Variants in ERCC4 observed in about 807,000 individuals in gnomAD.
ERCC4 encodes DNA repair endonuclease XPF.
ERCC4 carries 65 observed loss-of-function variants against 76.9 expected under a neutral mutation model. The observed-to-expected ratio is 0.84, with a 90% CI of 0.69 to 1.04. The LOEUF is 1.04. Ranked by LOEUF, ERCC4 falls within the 50% of genes least tolerant of loss-of-function variation. The pLI is 0.00. For missense variants in ERCC4, 1,214 were observed against 1,128.2 expected (o/e 1.08, Z -1.09); for synonymous variants, 463 against 410.1 (o/e 1.13, Z -1.56).
In ERCC4 at chr16:13,934,282, GTGAAGCTCT is replaced by G; in HGVS notation, c.1196_1204del (p.Glu399_Leu401del). 1 of 1,612,042 alleles carries G rather than the reference GTGAAGCTCT, an allele frequency of 6.2e-7. No homozygotes were observed. Among genetic ancestry groups the G allele is most frequent in the Non-Finnish European group, 8.5e-7 (1 of 1,178,264 alleles). ...GAAATTGAGGCAGAAAATAAGGAGA[GTGAAGCTCT>G]TGGTGGTCCAGGTAGGAAAAAAGGA... is the stretch of plus-strand genomic sequence containing the variant. On this transcript the variant is annotated inframe_deletion, in exon 7 of 11. Coordinates refer to ENST00000311895, the MANE Select transcript of ERCC4 (RefSeq NM_005236.3).
rs1213679985 is a variant in ERCC4 at position 13,947,695 on chromosome 16, A to G, written c.2099A>G (p.His700Arg). The G allele has an allele frequency of 1.2e-6, 2 of 1,614,148 alleles. No individual in the cohort carries two copies. The highest frequency in any genetic ancestry group is 1.3e-5 in the African/African-American group (1 of 74,948). The change falls in exon 11 of 11, where the codon CAT (histidine) becomes CGT (arginine). Residue 700 changes from histidine to arginine, a missense_variant. Coordinates refer to ENST00000311895, the MANE Select transcript of ERCC4 (RefSeq NM_005236.3). ...EFRSELPSLI[H>R]RRGIDIEPVT... ...CGAAGTGAGCTTCCATCTCTGATCC[A>G]TCGTCGGGGCATTGACATTGAACCC...
intron 6 of ERCC4, 120 bp downstream of exon 6, chr16:13,932,405 G>A: frequency 1.1e-6 from 1 of 872,770 alleles, no homozygotes; most frequent in Non-Finnish European, 1.8e-6. Flanking sequence ...GAAGATAAAT[G>A]TATGTATGTT....
intron 3 of ERCC4, among the ~76,000 whole-genome samples, chr16:13,927,007 A>G (rs879880504): frequency 2.0e-5 from 3 of 152,226 alleles, no homozygotes; most frequent in Non-Finnish European, 2.9e-5. Flanking sequence ...CATCCAAGAC[A>G]GCCACTTTAT....
In ERCC4 at chr16:13,949,907, A is replaced by G. The variant is rs1408539363; in HGVS notation, c.*1560A>G. The stretch of plus-strand genomic sequence containing the variant: ...TTTTTTTGTTTGCTACACTATTTGA[A>G]CTAATAGACAGTGGATCATGTAACA... On this transcript the variant is annotated 3_prime_UTR_variant, in exon 11 of 11. Transcript: ENST00000311895. 2 of 231,488 alleles carry G rather than the reference A, an allele frequency of 8.6e-6. No homozygotes were observed. Among genetic ancestry groups the G allele is most frequent in the East Asian group, 1.2e-4 (2 of 16,380 alleles). 14.3% of individuals were successfully genotyped at this position (231,488 alleles called of 1,614,324 possible).
chr16:13,929,730 C>T (rs968656049), intron 4 of ERCC4, among the ~76,000 whole-genome samples: 3 of 152,144 alleles, frequency 2.0e-5, no homozygotes, highest in Admixed American at 6.6e-5. Context: ...CTTTGGGAGG[C>T]CGAGGCGGGC....
chr16:13,948,503 C>A lies in ERCC4; in HGVS notation c.*156C>A. ...CCAGAAGCCAGGATTCCTCTCTGAACTCTGCAGTTAGGCATCACTTGAACT... is the reference window on the plus strand; with the variant it reads ...CCAGAAGCCAGGATTCCTCTCTGAAATCTGCAGTTAGGCATCACTTGAACT... On this transcript the variant is annotated 3_prime_UTR_variant, in exon 11 of 11. Transcript: ENST00000311895. 2.3e-6 allele frequency: 2 copies of A among 881,906 alleles called. No homozygotes were observed. The highest frequency in any genetic ancestry group is 2.5e-5 in the East Asian group (1 of 39,612). The allele number at this position is 881,906 out of a possible 1,614,324, so 54.6% of individuals were successfully genotyped here. A position where few individuals can be genotyped will look rare whatever the true frequency, so the allele number is the denominator to read the frequency against.
At chr16:13,942,706 C>T (rs2141615156) in intron 9 of ERCC4, among the ~76,000 whole-genome samples, 1 of 152,316 alleles carries the variant, frequency 6.6e-6, no homozygotes, top group East Asian at 1.9e-4. Context: ...GATCCACACA[C>T]TTTGGAACCG....
At chr16:13,931,736 A>G (rs1036979094) in intron 5 of ERCC4, 31 of 175,108 alleles carry the variant, frequency 1.8e-4, no homozygotes, top group African/African-American at 6.0e-4. Flanking sequence ...ATATTTTCCT[A>G]TAAATTATTA....
intron 4 of ERCC4, among the ~76,000 whole-genome samples, chr16:13,928,901 C>T (rs1327233312): frequency 6.6e-6 from 1 of 152,094 alleles, no homozygotes; most frequent in Non-Finnish European, 1.5e-5. Context: ...AAGTTTCTGT[C>T]TTTTAAACTC....
chr16:13,948,021 A>G lies in ERCC4; in HGVS notation c.2425A>G (p.Thr809Ala), dbSNP rs1417008993. Residue 809 changes from threonine to alanine, a missense_variant, in exon 11 of 11, where the codon ACG becomes GCG. Physicochemically the swap from Thr to Ala is moderately conservative, Grantham distance 58. Coordinates refer to ENST00000311895, the MANE Select transcript of ERCC4 (RefSeq NM_005236.3). ...RILWCPSPHA[T>A]AELFEELKQS... is the part of the protein sequence containing the mutation. ...TCTCTGGTGCCCCTCTCCTCATGCA[A>G]CGGCGGAGTTGTTTGAGGAGCTGAA... is the stretch of plus-strand genomic sequence containing the variant. 6.2e-7 allele frequency: 1 copy of G among 1,614,080 alleles called. No homozygotes were observed.
At position 13,949,525 on chromosome 16, in the gene ERCC4, T is replaced by TTAAA; in HGVS notation, c.*1178_*1179insTAAA. 4.3e-6 allele frequency: 1 copy of TTAAA among 233,074 alleles called. No homozygotes were observed. The highest frequency in any genetic ancestry group is 6.0e-5 in the East Asian group (1 of 16,544). The allele number at this position is 233,074 out of a possible 1,614,324, so 14.4% of individuals were successfully genotyped here. Reference sequence around the variant, plus strand: ...GAGGACTCAAATACAAGCCAATGAGTGGCCCACTAAGCTTTTAAGATTTGA... The same window carrying TTAAA: ...GAGGACTCAAATACAAGCCAATGAGTTAAAGGCCCACTAAGCTTTTAAGATTTGA... On this transcript the variant is annotated 3_prime_UTR_variant, in exon 11 of 11. Coordinates refer to ENST00000311895, the MANE Select transcript of ERCC4 (RefSeq NM_005236.3).
chr16:13,935,079 AG>A (rs2032255653), intron 7 of ERCC4, 66 bp from the exon 8 acceptor site: 1 of 1,187,716 alleles, frequency 8.4e-7, no homozygotes. Context: ...TGAAGGAATA[AG>A]GGGGCACAGG....
intron 9 of ERCC4, among the ~76,000 whole-genome samples, chr16:13,938,938 G>A (rs892591063): frequency 3.3e-5 from 5 of 152,162 alleles, no homozygotes; most frequent in African/African-American, 9.7e-5. Flanking sequence ...GTGCATGGGC[G>A]GTCCCCTCTT....
In ERCC4 at chr16:13,926,704, G is replaced by A. The variant is rs149927607; in HGVS notation, c.532G>A (p.Val178Met). The A allele has an allele frequency of 6.8e-6, 11 of 1,614,144 alleles. No homozygotes were observed. The highest frequency in any genetic ancestry group is 1.7e-5 in the Admixed American group (1 of 60,020). ...TGCCTTTGATACTGGTTTTTGTCAT[G>A]TGGAAAGAGTGATGAGAAATCTTTT... ...AVAFDTGFCH[V>M]ERVMRNLFVR... The change falls in exon 3 of 11, where the codon GTG (valine) becomes ATG (methionine). Residue 178 changes from valine to methionine, a missense_variant. Val to Met is a conservative substitution (Grantham distance 21). Transcript: ENST00000311895.
rs746499083 is a variant in ERCC4 at position 13,948,866 on chromosome 16, A to G, written c.*519A>G. On this transcript the variant is annotated 3_prime_UTR_variant, in exon 11 of 11. Coordinates refer to ENST00000311895, the MANE Select transcript of ERCC4 (RefSeq NM_005236.3). ...TTGTGTCTGCTGGACGCTTGAACTG[A>G]TGTTTGTGTAGGAAATCATGTTCTG... 4.3e-6 allele frequency: 1 copy of G among 232,424 alleles called. No individual in the cohort carries two copies. The highest frequency in any genetic ancestry group is 8.5e-6 in the Non-Finnish European group (1 of 117,708). The allele number at this position is 232,424 out of a possible 1,614,324, so 14.4% of individuals were successfully genotyped here.
chr16:13,946,001 A>T (rs959396713), intron 10 of ERCC4, among the ~76,000 whole-genome samples: 1 of 152,190 alleles, frequency 6.6e-6, no homozygotes, highest in Non-Finnish European at 1.5e-5. Flanking sequence ...TAAAATCAAG[A>T]TATCGGCATG....
At position 13,936,897 on chromosome 16, in the gene ERCC4, C is replaced by G. The variant is rs189086279; in HGVS notation, c.1812-869C>G. On this transcript the variant is annotated intron_variant, in intron 8 of 10. Coordinates refer to ENST00000311895, the MANE Select transcript of ERCC4 (RefSeq NM_005236.3). ...GCAACAAACAAGATGGAAAAGCAGG[C>G]CTTTTTTTTTTTTCCTTTTTTTTTT... Among the ~76,000 whole-genome samples the G allele has an allele frequency of 2.9e-5, 4 of 137,334 alleles. No individual in the cohort carries two copies. In the East Asian group the frequency reaches 8.4e-4, roughly 29 times the overall value. 90.1% of individuals were successfully genotyped at this position (137,334 alleles called of 152,430 possible). A position where few individuals can be genotyped will look rare whatever the true frequency, so the allele number is the denominator to read the frequency against.
At chr16:13,943,082 A>G (rs932692082) in intron 9 of ERCC4, among the ~76,000 whole-genome samples, 3 of 152,204 alleles carry the variant, frequency 2.0e-5, no homozygotes, top group Non-Finnish European at 2.9e-5. Context: ...TAAAATTTGT[A>G]CTAATAATAT....
At position 13,948,328 on chromosome 16, in the gene ERCC4, A is replaced by G. The variant is rs753734253; in HGVS notation, c.2732A>G (p.Lys911Arg). 2 of 1,612,234 alleles carry G rather than the reference A, an allele frequency of 1.2e-6. No homozygotes were observed. Among genetic ancestry groups the G allele is most frequent in the Non-Finnish European group, 1.7e-6 (2 of 1,180,006 alleles). ...IHTSFAEVVSKGKGKK is the reference protein window; with the variant it reads ...IHTSFAEVVSRGKGKK ...ACCTCTTTTGCAGAAGTCGTATCAA[A>G]AGGAAAAGGGAAAAAGTGAACAGTG... The change falls in exon 11 of 11, where the codon AAA becomes AGA. Residue 911 changes from lysine to arginine, a missense_variant. By Grantham distance (26) the Lys-to-Arg change is conservative (BLOSUM62 2). Coordinates refer to ENST00000311895, the MANE Select transcript of ERCC4 (RefSeq NM_005236.3).
Sources: gnomAD v4.1 joint callset for allele counts (sites outside exome capture counted in the v4.1 genomes callset) on GRCh38, gnomAD v4.1.1 for gene constraint, MANE v1.5 for transcripts, NCBI Gene and HGNC (gene_info 2026-07-23, HGNC 2026-07-21) for gene names.